The following RABGAP1L variants were observed in gnomAD, a reference collection of about 807,000 sequenced individuals.
RABGAP1L encodes the protein RAB GTPase activating protein 1 like.
In RABGAP1L, 63 loss-of-function variants were observed where a neutral mutation model predicts 137.7. That is an observed-to-expected ratio of 0.46 (90% confidence interval 0.37 to 0.56). The LOEUF (loss-of-function observed/expected upper bound fraction) is 0.56. Among genes scored for constraint, RABGAP1L ranks in the 20% least tolerant of loss-of-function variants. The pLI is 0.00. For synonymous variants in RABGAP1L, 431 were observed against 433.7 expected (o/e 0.99, Z 0.08); for missense variants, 1,095 against 1,244.0 (o/e 0.88, Z 1.80).
chr1:174,869,953 G>A (rs567723401), intron 19 of RABGAP1L, among the ~76,000 whole-genome samples: 33 of 152,120 alleles, frequency 2.2e-4, no homozygotes, highest in Non-Finnish European at 3.8e-4. Flanking sequence ...TTTCTGTTGT[G>A]TATAAGTTAT....
intron 17 of RABGAP1L, among the ~76,000 whole-genome samples, chr1:174,740,270 T>G (rs1683281992): frequency 1.3e-5 from 2 of 152,196 alleles, no homozygotes; most frequent in Admixed American, 1.3e-4. Flanking sequence ...ATCACTTCTG[T>G]CTCTGCTTTC....
intron 11 of RABGAP1L, 111 bp downstream of exon 11, chr1:174,305,238 G>A: frequency 1.7e-6 from 2 of 1,147,358 alleles, no homozygotes; most frequent in South Asian, 5.8e-5. Context: ...CCTAACCTCT[G>A]TTACCATTAG....
At chr1:174,446,195 T>G (rs1571850705) in intron 13 of RABGAP1L, among the ~76,000 whole-genome samples, 1 of 152,264 alleles carries the variant, frequency 6.6e-6, no homozygotes. Flanking sequence ...AAATCGGACT[T>G]CTGAATCAAG....
chr1:174,637,977 T>A (rs1188015325), intron 14 of RABGAP1L, among the ~76,000 whole-genome samples: 1 of 152,184 alleles, frequency 6.6e-6, no homozygotes, highest in Non-Finnish European at 1.5e-5. Flanking sequence ...TTTTTCTCCC[T>A]CATTATAAGT....
chr1:174,794,038 AG>A (rs1468037903), intron 18 of RABGAP1L, among the ~76,000 whole-genome samples: 6 of 152,098 alleles, frequency 3.9e-5, no homozygotes, highest in Non-Finnish European at 5.9e-5. Flanking sequence ...TGATTTGTGC[AG>A]GATTTTACAC....
chr1:174,728,915 A>G (rs926914923), intron 17 of RABGAP1L, among the ~76,000 whole-genome samples: 4 of 152,166 alleles, frequency 2.6e-5, no homozygotes, highest in Admixed American at 1.3e-4. Context: ...TACTGGGATT[A>G]CAGGAGTGAG....
chr1:174,718,837 CTTTTTTTTT>C (rs11337437), intron 17 of RABGAP1L, among the ~76,000 whole-genome samples: 7 of 106,408 alleles, frequency 6.6e-5, no homozygotes, highest in East Asian at 2.8e-4. Flanking sequence ...TTTTCTTTTC[CTTTTTTTTT>C]TTTTTTTTTT....
At chr1:174,573,514 A>G (rs961535470) in intron 13 of RABGAP1L, among the ~76,000 whole-genome samples, 5 of 152,126 alleles carry the variant, frequency 3.3e-5, no homozygotes, top group Non-Finnish European at 7.4e-5. Context: ...AAAAATATTA[A>G]TGATTACTGC....
chr1:174,427,744 C>G (rs953044266), intron 13 of RABGAP1L, among the ~76,000 whole-genome samples: 1 of 152,136 alleles, frequency 6.6e-6, no homozygotes, highest in Non-Finnish European at 1.5e-5. Context: ...AAGACACCTA[C>G]TATATAAAAT....
At chr1:174,637,262 T>C in intron 13 of RABGAP1L, 113 bp from the exon 14 acceptor site, 1 of 708,164 alleles carries the variant, frequency 1.4e-6, no homozygotes. Context: ...GAAGTTTTTA[T>C]GTTTTTCTGT....
chr1:174,563,169 T>C (rs776206978), intron 13 of RABGAP1L, among the ~76,000 whole-genome samples: 5 of 152,114 alleles, frequency 3.3e-5, no homozygotes, highest in Non-Finnish European at 7.4e-5. Context: ...TTTCAACATA[T>C]TAGAGTGTTT....
At chr1:174,529,301 G>A (rs1271213012) in intron 13 of RABGAP1L, among the ~76,000 whole-genome samples, 1 of 152,014 alleles carries the variant, frequency 6.6e-6, no homozygotes, top group Non-Finnish European at 1.5e-5. Flanking sequence ...TATAGAGGAG[G>A]ACTTTTCCTG....
chr1:174,815,178 G>A (rs1690267491), intron 19 of RABGAP1L, among the ~76,000 whole-genome samples: 1 of 152,266 alleles, frequency 6.6e-6, no homozygotes, highest in Admixed American at 6.5e-5. Flanking sequence ...ACCCATGAGA[G>A]GCTGTAGATG....
At chr1:174,790,549 G>A (rs1346274739) in intron 18 of RABGAP1L, among the ~76,000 whole-genome samples, 3 of 151,248 alleles carry the variant, frequency 2.0e-5, no homozygotes, top group Non-Finnish European at 2.9e-5. Context: ...CAGGAGAATC[G>A]CTTGAACCCA....
intron 13 of RABGAP1L, among the ~76,000 whole-genome samples, chr1:174,606,772 CTCTG>C (rs1670825679): frequency 6.6e-6 from 1 of 152,156 alleles, no homozygotes; most frequent in South Asian, 2.1e-4. Flanking sequence ...CCTCATTTTC[CTCTG>C]TCTTACAGCT....
chr1:174,590,033 C>T (rs751311180), intron 13 of RABGAP1L, among the ~76,000 whole-genome samples: 2 of 150,652 alleles, frequency 1.3e-5, no homozygotes, highest in Non-Finnish European at 3.0e-5. Context: ...TACACTGAAT[C>T]TGCACATTGC....
chr1:174,600,157 C>T (rs996793938), intron 13 of RABGAP1L, among the ~76,000 whole-genome samples: 2 of 152,170 alleles, frequency 1.3e-5, no homozygotes, highest in African/African-American at 4.8e-5. Flanking sequence ...CCCAGCAGAT[C>T]TTGTGAGACT....
intron 19 of RABGAP1L, among the ~76,000 whole-genome samples, chr1:174,916,061 A>G (rs1660815081): frequency 6.7e-6 from 1 of 150,216 alleles, no homozygotes; most frequent in Non-Finnish European, 1.5e-5. Context: ...TAAGTCTATA[A>G]TAAATTTTTC....
intron 7 of RABGAP1L, among the ~76,000 whole-genome samples, chr1:174,258,661 A>G (rs934387399): frequency 6.6e-6 from 1 of 152,226 alleles, no homozygotes; most frequent in Non-Finnish European, 1.5e-5. Flanking sequence ...CATTGGTGTG[A>G]AAGAAAATCC....
Sources: allele counts gnomAD v4.1 joint callset (sites outside exome capture counted in the v4.1 genomes callset), GRCh38; gene constraint gnomAD v4.1.1; transcripts MANE v1.5; gene names NCBI Gene and HGNC (gene_info 2026-07-23, HGNC 2026-07-21).